LUC7L: variants seen among roughly 807,000 people sequenced by gnomAD.
LUC7L encodes LUC7 like.
In LUC7L, 29 loss-of-function variants were observed where a neutral mutation model predicts 51.1. The ratio of observed to expected loss-of-function variants is 0.57; its 90% confidence interval spans 0.42 to 0.77. LUC7L has a LOEUF of 0.77. Among genes scored for constraint, LUC7L ranks in the 30% least tolerant of loss-of-function variants. The pLI is 0.00. For missense variants in LUC7L, 403 were observed against 511.9 expected, an observed-to-expected ratio of 0.79 and a Z score of 2.05; for synonymous variants, 181 against 180.7, an observed-to-expected ratio of 1.00 and a Z score of -0.01.
intron 1 of LUC7L, chr16:228,771 G>C (rs2050190641): frequency 7.8e-7 from 1 of 1,282,046 alleles, no homozygotes; most frequent in Non-Finnish European, 1.0e-6. Flanking sequence ...AGCTGGAAAA[G>C]TACTTGGCAG....
chr16:228,395 C>T, intron 1 of LUC7L: 2 of 1,300,630 alleles, frequency 1.5e-6, no homozygotes, highest in African/African-American at 3.0e-5. Context: ...GGCAAAGATA[C>T]ACTGAACCTT....
chr16:223,794 C>T (rs1040179368), intron 2 of LUC7L, among the ~76,000 whole-genome samples: 2 of 151,936 alleles, frequency 1.3e-5, no homozygotes, highest in Admixed American at 6.6e-5. Flanking sequence ...CTCAGCCTCC[C>T]GAATAGCTGG....
chr16:207,558 T>C (rs1206225147), intron 4 of LUC7L, among the ~76,000 whole-genome samples: 1 of 152,164 alleles, frequency 6.6e-6, no homozygotes, highest in Non-Finnish European at 1.5e-5. Flanking sequence ...ATAAACCATG[T>C]ACAGAGGACG....
At chr16:189,855 T>C (rs1356193582) in intron 9 of LUC7L, 113 bp downstream of exon 9, 87 of 1,491,464 alleles carry the variant, frequency 5.8e-5, no homozygotes, top group Non-Finnish European at 7.2e-5. Context: ...CCAGCCCTAC[T>C]CCTGAGGGTG....
intron 5 of LUC7L, 27 bp from the exon 6 acceptor site, chr16:199,265 A>C (rs545847555): frequency 2.0e-6 from 3 of 1,536,174 alleles, no homozygotes; most frequent in African/African-American, 1.4e-5. Flanking sequence ...GAGAAATAAA[A>C]GTGAGGTATA....
intron 3 of LUC7L, among the ~76,000 whole-genome samples, chr16:213,113 G>C (rs1475855765): frequency 6.6e-6 from 1 of 152,110 alleles, no homozygotes; most frequent in African/African-American, 2.4e-5. Context: ...CTGTTTGACA[G>C]TTTACAAGTT....
chr16:214,781 C>T lies in LUC7L; in HGVS notation c.255+5868G>A, dbSNP rs189128401. On this transcript the variant is annotated intron_variant, in intron 3 of 9. Transcript: ENST00000293872. ...GCTCATGCGACCCACCCACCCTAGT[C>T]TCCCAAAGCTCTTGGATTACAGGCA... is the stretch of plus-strand genomic sequence containing the variant. 5.9e-5 allele frequency among the ~76,000 whole-genome samples: 9 copies of T among 152,300 alleles called. No homozygotes were observed. In the East Asian group the frequency reaches 1.5e-3, roughly 26 times the overall value.
intron 1 of LUC7L, 200 bp downstream of exon 1, chr16:229,079 G>A: frequency 7.1e-7 from 1 of 1,413,712 alleles, no homozygotes; most frequent in Non-Finnish European, 9.2e-7. Flanking sequence ...CGAGAGAGGA[G>A]CCCGACCTGG....
intron 7 of LUC7L, 80 bp from the exon 8 acceptor site, chr16:190,650 G>A: frequency 7.7e-7 from 1 of 1,303,406 alleles, no homozygotes; most frequent in Non-Finnish European, 1.1e-6. Flanking sequence ...GGAGGCCTAG[G>A]CAGGCAATCA....
At chr16:223,332 G>C (rs1393078201) in intron 2 of LUC7L, among the ~76,000 whole-genome samples, 3 of 152,048 alleles carry the variant, frequency 2.0e-5, no homozygotes, top group African/African-American at 4.8e-5. Context: ...CTGAGCGACA[G>C]AGCGAGACTC....
At chr16:203,565 G>A (rs2049392763) in intron 5 of LUC7L, among the ~76,000 whole-genome samples, 1 of 152,080 alleles carries the variant, frequency 6.6e-6, no homozygotes, top group Admixed American at 6.6e-5. Flanking sequence ...AAAATTAGCT[G>A]GGCTTGGTGG....
At position 190,028 on chromosome 16, in the gene LUC7L, C is replaced by T. The variant is rs148192154; in HGVS notation, c.914G>A (p.Arg305His). ...ATGTCCCCGGCTGTGGCTCCGGGAA[C>T]GGCTGCGGTGGCGCCGATGTCTATC... ...SRDRHRRHRS[R>H]SRSHSRGHRR... is the part of the protein sequence containing the mutation. Residue 305 changes from arginine (R) to histidine (H), a missense_variant, in exon 9 of 10, where the codon CGT (arginine) becomes CAT (histidine). Around this residue, in one of 3 missense-constraint regions of LUC7L, gnomAD observed 206 missense variants for 218.3 expected, o/e 0.94. Transcript: ENST00000293872. 106 of 1,613,904 alleles carry T rather than the reference C, an allele frequency of 6.6e-5. No individual in the cohort carries two copies. In the Admixed American group the frequency reaches 1.1e-3, roughly 17 times the overall value.
At chr16:202,645 C>A (rs981761183) in intron 5 of LUC7L, among the ~76,000 whole-genome samples, 1 of 152,120 alleles carries the variant, frequency 6.6e-6, no homozygotes, top group African/African-American at 2.4e-5. Context: ...TAAGCACACT[C>A]TATAATGTTC....
At position 220,690 on chromosome 16, in the gene LUC7L, C is replaced by T; in HGVS notation, c.214G>A (p.Glu72Lys). 1 of 1,614,068 alleles carries T rather than the reference C, an allele frequency of 6.2e-7. No homozygotes were observed. Among genetic ancestry groups the T allele is most frequent in the Non-Finnish European group, 8.5e-7 (1 of 1,179,984 alleles). ...IHDLALRADY[E>K]IASKERDLFF... The stretch of plus-strand genomic sequence containing the variant: ...AGGTCTCTTTCTTTACTTGCAATCT[C>T]ATAATCTGCTCGGAGGGCCAAGTCG... The change falls in exon 3 of 10, where the codon GAG (glutamate) becomes AAG (lysine). Residue 72 changes from glutamate (E) to lysine (K), a missense_variant. Physicochemically the swap from Glu to Lys is moderately conservative, Grantham distance 56 (BLOSUM62 1). Coordinates refer to ENST00000293872, the MANE Select transcript of LUC7L (RefSeq NM_201412.3).
At chr16:210,978 G>C (rs1248685227) in intron 3 of LUC7L, among the ~76,000 whole-genome samples, 3 of 150,656 alleles carry the variant, frequency 2.0e-5, no homozygotes, top group African/African-American at 4.9e-5. Flanking sequence ...ATGAACCCGG[G>C]AGGTAGAGCT....
intron 1 of LUC7L, 80 bp from the exon 2 acceptor site, chr16:227,416 G>C (rs2050159175): frequency 2.0e-6 from 3 of 1,527,100 alleles, no homozygotes; most frequent in Admixed American, 4.0e-5. Context: ...CAATTCACCT[G>C]GATGATTTGC....
chr16:228,083 A>T (rs1435674118), intron 1 of LUC7L: 9 of 1,150,850 alleles, frequency 7.8e-6, no homozygotes, highest in Non-Finnish European at 7.6e-6. Flanking sequence ...GCAGTAAGGA[A>T]GTCGGGGGAA....
intron 3 of LUC7L, among the ~76,000 whole-genome samples, chr16:211,842 C>T (rs2049649379): frequency 6.6e-6 from 1 of 152,228 alleles, no homozygotes; most frequent in Admixed American, 6.5e-5. Context: ...CCTCCACACA[C>T]GGACTGCCTG....
chr16:221,572 G>A (rs188132121), intron 2 of LUC7L, among the ~76,000 whole-genome samples: 2 of 152,126 alleles, frequency 1.3e-5, no homozygotes, highest in African/African-American at 4.8e-5. Flanking sequence ...TGTGGTGGCA[G>A]GGCACCTGTA....
Sources: allele counts gnomAD v4.1 joint callset (sites outside exome capture counted in the v4.1 genomes callset), GRCh38; gene constraint gnomAD v4.1.1; regional missense constraint gnomAD v4.1.1; transcripts MANE v1.5; gene names NCBI Gene and HGNC (gene_info 2026-07-23, HGNC 2026-07-21).